FANCD2OS: variants seen among roughly 807,000 people sequenced by gnomAD.
FANCD2OS encodes the protein FANCD2 opposite strand, also known as FANCD2 opposite strand protein.
A neutral mutation model predicts 13.2 loss-of-function variants in FANCD2OS; 11 were observed. The ratio of observed to expected loss-of-function variants is 0.83; its 90% CI spans 0.52 to 1.38. The LOEUF (loss-of-function observed/expected upper bound fraction) is 1.38, where lower values mean the gene tolerates loss of function less well. Ranked by LOEUF, FANCD2OS falls within the 40% of genes most tolerant of loss-of-function variation. FANCD2OS has a pLI of 0.00. For synonymous variants in FANCD2OS, 69 were observed against 84.5 expected (o/e 0.82, Z 1.01); for missense variants, 217 against 213.9 (o/e 1.01, Z -0.09).
At chr3:10,088,842 A>G in intron 2 of FANCD2OS, 1 of 1,614,168 alleles carries the variant, frequency 6.2e-7, no homozygotes. Flanking sequence ...TACCTGGAGC[A>G]CACAGAGAGC....
chr3:10,103,413 A>G (rs1158501571), downstream of FANCD2OS, among the ~76,000 whole-genome samples: 1 of 152,042 alleles, frequency 6.6e-6, no homozygotes, highest in African/African-American at 2.4e-5. Context: ...AAAAAATAAT[A>G]ATAATACAAA....
intron 1 of FANCD2OS, among the ~76,000 whole-genome samples, chr3:10,105,823 TTG>T (rs1695484270): frequency 8.3e-6 from 1 of 119,916 alleles, no homozygotes; most frequent in African/African-American, 3.0e-5. Flanking sequence ...TATATATATT[TTG>T]AGGTTCGCGA....
intron 2 of FANCD2OS, among the ~76,000 whole-genome samples, chr3:10,094,706 TA>T (rs950105118): frequency 4.5e-4 from 66 of 147,442 alleles, no homozygotes; most frequent in Non-Finnish European, 4.5e-4. Context: ...GAAATGATTT[TA>T]AAAAAAAAAA....
intron 1 of FANCD2OS, among the ~76,000 whole-genome samples, chr3:10,105,875 A>C (rs968684818): frequency 4.5e-4 from 64 of 140,876 alleles, no homozygotes; most frequent in African/African-American, 1.6e-3. Flanking sequence ...ATCATTTGGA[A>C]ACTTGCAGAA....
intron 2 of FANCD2OS, among the ~76,000 whole-genome samples, chr3:10,096,982 A>C (rs942121221): frequency 7.9e-5 from 12 of 152,304 alleles, no homozygotes; most frequent in African/African-American, 2.9e-4. Flanking sequence ...CAAAAGAGAG[A>C]AATTTTAAAG....
chr3:10,092,198 C>T (rs2125086064), intron 2 of FANCD2OS: 1 of 1,613,938 alleles, frequency 6.2e-7, no homozygotes, highest in Non-Finnish European at 8.5e-7. Context: ...AAGAGAAACT[C>T]CTCTACTGGA....
At chr3:10,087,281 C>CATT in intron 2 of FANCD2OS, 3 of 1,310,526 alleles carry the variant, frequency 2.3e-6, no homozygotes, top group Admixed American at 2.7e-5. Flanking sequence ...GGCCTAGATC[C>CATT]TTTTTTTTTT....
At chr3:10,097,809 T>G (rs1340518111) in intron 2 of FANCD2OS, among the ~76,000 whole-genome samples, 1 of 152,208 alleles carries the variant, frequency 6.6e-6, no homozygotes, top group Non-Finnish European at 1.5e-5. Flanking sequence ...AATTTATGTT[T>G]AGAGATTACA....
chr3:10,098,630 C>T (rs1207300979), downstream of FANCD2OS: 2 of 1,497,984 alleles, frequency 1.3e-6, no homozygotes, highest in Admixed American at 2.0e-5. Context: ...AAATATCTTC[C>T]TTTGTATTGC....
chr3:10,087,315 A>G (rs371723938), intron 2 of FANCD2OS: 7 of 1,522,304 alleles, frequency 4.6e-6, no homozygotes, highest in East Asian at 4.6e-5. Context: ...AATAGGACTA[A>G]TATCTCACAC....
At chr3:10,102,373 G>A (rs1287434498), downstream of FANCD2OS, among the ~76,000 whole-genome samples, 1 of 151,584 alleles carries the variant, frequency 6.6e-6, no homozygotes, top group Non-Finnish European at 1.5e-5. Flanking sequence ...TTGAACTCCT[G>A]ACCTCGTGAT....
At chr3:10,095,778 C>G (rs1376453716) in intron 2 of FANCD2OS, among the ~76,000 whole-genome samples, 1 of 152,132 alleles carries the variant, frequency 6.6e-6, no homozygotes, top group Non-Finnish European at 1.5e-5. Flanking sequence ...ACACAGAACC[C>G]TAGAGTTCTG....
intron 2 of FANCD2OS, chr3:10,096,300 G>T (rs35818818): frequency 6.2e-7 from 1 of 1,612,922 alleles, no homozygotes; most frequent in Non-Finnish European, 8.5e-7. Context: ...ACTCACAAAA[G>T]ATGGATGTTA....
intron 2 of FANCD2OS, chr3:10,085,793 C>A: frequency 6.5e-7 from 1 of 1,546,474 alleles, no homozygotes; most frequent in South Asian, 1.1e-5. Context: ...GCTAACCCCT[C>A]TTACCTTGAC....
At chr3:10,097,766 T>TGGGG (rs1444186337) in intron 2 of FANCD2OS, among the ~76,000 whole-genome samples, 1 of 152,232 alleles carries the variant, frequency 6.6e-6, no homozygotes, top group Non-Finnish European at 1.5e-5. Context: ...GGGTATTGAC[T>TGGGG]GGGGAAGTGG....
At chr3:10,101,943 C>T, downstream of FANCD2OS, 1 of 179,708 alleles carries the variant, frequency 5.6e-6, no homozygotes, top group Non-Finnish European at 1.2e-5. Flanking sequence ...CCTCAGTTGC[C>T]TCATTTATCT....
Position 10,081,449 on chromosome 3 carries a change from A to T in FANCD2OS, c.*126T>A, listed in dbSNP as rs759516610. Reference sequence around the variant, plus strand: ...TATCAGAGGCTGCTGCAGATTTTTCATGGGCTTTTTGCTTGGTAAGTATGT... The same window carrying T: ...TATCAGAGGCTGCTGCAGATTTTTCTTGGGCTTTTTGCTTGGTAAGTATGT... On this transcript the variant is annotated 3_prime_UTR_variant, in exon 3 of 3. Coordinates refer to the FANCD2OS transcript ENST00000524279. The T allele has an allele frequency of 8.7e-6, 14 of 1,612,856 alleles. No homozygotes were observed. Among genetic ancestry groups the T allele is most frequent in the African/African-American group, 4.0e-5 (3 of 74,916 alleles).
chr3:10,093,514 T>C (rs544149847), intron 2 of FANCD2OS, among the ~76,000 whole-genome samples: 2 of 152,320 alleles, frequency 1.3e-5, no homozygotes, highest in Non-Finnish European at 2.9e-5. Flanking sequence ...AGTTTTCCTA[T>C]GAATTTGAAA....
chr3:10,104,498 G>T lies in FANCD2OS; in HGVS notation c.277C>A (p.Pro93Thr). 6.2e-7 allele frequency: 1 copy of T among 1,614,180 alleles called. No individual in the cohort carries two copies. Among genetic ancestry groups the T allele is most frequent in the Non-Finnish European group, 8.5e-7 (1 of 1,180,030 alleles). ...GAATCTACTCCACTGAGGCGGATGG[G>T]CTGGGGCTTCCTGACCAGTCCTTTG... is the stretch of plus-strand genomic sequence containing the variant. ...NNKGLVRKPQ[P>T]IRLSGVDSVF... The change falls in exon 2 of 2, where the codon CCC (proline) becomes ACC (threonine). Residue 93 changes from proline (P) to threonine (T), a missense_variant. Physicochemically the swap from Pro to Thr is conservative, Grantham distance 38 (BLOSUM62 -1). Coordinates refer to ENST00000450660, the MANE Select transcript of FANCD2OS (RefSeq NM_001164839.2).
Sources: gnomAD v4.1 joint callset for allele counts (sites outside exome capture counted in the v4.1 genomes callset) on GRCh38, gnomAD v4.1.1 for gene constraint, MANE v1.5 for transcripts, NCBI Gene and HGNC (gene_info 2026-07-23, HGNC 2026-07-21) for gene names.